TRAPPC3L: variants seen among roughly 807,000 people sequenced by gnomAD.
The protein encoded by TRAPPC3L is trafficking protein particle complex subunit 3-like protein.
In TRAPPC3L, 23 loss-of-function variants were observed where a neutral mutation model predicts 23.7. The observed-to-expected ratio is 0.97, with a 90% confidence interval of 0.70 to 1.37. The LOEUF (loss-of-function observed/expected upper bound fraction) is 1.37, where lower values mean the gene tolerates loss of function less well. Ranked by LOEUF, TRAPPC3L falls within the 40% of genes most tolerant of loss-of-function variation. TRAPPC3L has a pLI of 0.00. For missense variants in TRAPPC3L, 212 were observed against 216.8 expected, an observed-to-expected ratio of 0.98 and a Z score of 0.14; for synonymous variants, 81 against 77.9, an observed-to-expected ratio of 1.04 and a Z score of -0.21.
chr6:116,512,800 G>A (rs944420511), intron 3 of TRAPPC3L, among the ~76,000 whole-genome samples: 1 of 152,158 alleles, frequency 6.6e-6, no homozygotes, highest in Non-Finnish European at 1.5e-5. Flanking sequence ...TCCTTGTATG[G>A]TAGGAATCAG....
In TRAPPC3L at chr6:116,506,092, A is replaced by G. The variant is rs964307134; in HGVS notation, c.241-5426T>C. Among the ~76,000 whole-genome samples, 49 of 152,222 alleles carry G rather than the reference A, an allele frequency of 3.2e-4. 1 individual carries two copies. Among genetic ancestry groups the G allele is most frequent in the Non-Finnish European group, 1.5e-4 (10 of 68,022 alleles). On this transcript the variant is annotated intron_variant, in intron 3 of 4. Coordinates refer to ENST00000368602, the MANE Select transcript of TRAPPC3L (RefSeq NM_001139444.3). ...TCAGACTGAGCAGGCAACCTACAGA[A>G]TGGGAGAAAATTTTTGCAATCTACC... is the stretch of plus-strand genomic sequence containing the variant.
intron 3 of TRAPPC3L, among the ~76,000 whole-genome samples, chr6:116,510,809 T>A (rs763276397): frequency 6.6e-6 from 1 of 152,070 alleles, no homozygotes; most frequent in Non-Finnish European, 1.5e-5. Flanking sequence ...GTGGTGTATA[T>A]ATACCATGGA....
At position 116,543,325 on chromosome 6, in the gene TRAPPC3L, C is replaced by T; in HGVS notation, c.118G>A (p.Val40Met). ...LCKDYEKDED[V>M]NQYLDKMGYG... Reference sequence around the variant, plus strand: ...TACATTTTATCTAAATATTGGTTCACATCTTCATCCTTCTCATAATCCTTA... The same window carrying T: ...TACATTTTATCTAAATATTGGTTCATATCTTCATCCTTCTCATAATCCTTA... Residue 40 changes from valine (V) to methionine (M), a missense_variant, in exon 2 of 5, where the codon GTG becomes ATG. By Grantham distance (21) the Val-to-Met change is conservative. Coordinates refer to ENST00000368602, the MANE Select transcript of TRAPPC3L (RefSeq NM_001139444.3). 6.5e-7 allele frequency: 1 copy of T among 1,549,424 alleles called. No homozygotes were observed. The highest frequency in any genetic ancestry group is 8.7e-7 in the Non-Finnish European group (1 of 1,145,482).
intron 3 of TRAPPC3L, chr6:116,511,906 C>A (rs1247969256): frequency 2.5e-6 from 4 of 1,613,888 alleles, no homozygotes; most frequent in East Asian, 2.2e-5. Context: ...TCTTTCTGAA[C>A]AATAGGTCGT....
At chr6:116,524,776 G>C (rs1772414442) in intron 3 of TRAPPC3L, 1 of 151,848 alleles carries the variant, frequency 6.6e-6, no homozygotes, top group East Asian at 1.9e-4. Flanking sequence ...TAAAAAAGTT[G>C]GAAAATTTTC....
chr6:116,502,839 A>G (rs1771940249), intron 3 of TRAPPC3L, among the ~76,000 whole-genome samples: 1 of 152,218 alleles, frequency 6.6e-6, no homozygotes, highest in Non-Finnish European at 1.5e-5. Flanking sequence ...AGATTTTGTT[A>G]CCACCAGGCC....
chr6:116,525,652 G>C (rs530882557), intron 3 of TRAPPC3L, among the ~76,000 whole-genome samples: 1 of 152,282 alleles, frequency 6.6e-6, no homozygotes, highest in South Asian at 2.1e-4. Context: ...ATGAAAACTT[G>C]AGATTAAAAT....
At chr6:116,512,285 T>C in intron 3 of TRAPPC3L, 1 of 1,540,080 alleles carries the variant, frequency 6.5e-7, no homozygotes, top group Non-Finnish European at 8.7e-7. Context: ...GCTCGAAGTA[T>C]TCTCTCTGTG....
chr6:116,503,463 C>A (rs1042604860), intron 3 of TRAPPC3L, among the ~76,000 whole-genome samples: 8 of 152,098 alleles, frequency 5.3e-5, no homozygotes, highest in Non-Finnish European at 1.2e-4. Flanking sequence ...TTAGACAGAT[C>A]AACGAGACAG....
At position 116,538,854 on chromosome 6, in the gene TRAPPC3L, T is replaced by G. The variant is rs895089746; in HGVS notation, c.240+1509A>C. ...TCAAGCCATCCACCCCTCTCAGCTTTCTGAGTTGTTGGGACTACAGCTGTG... is the reference window on the plus strand; with the variant it reads ...TCAAGCCATCCACCCCTCTCAGCTTGCTGAGTTGTTGGGACTACAGCTGTG... On this transcript the variant is annotated intron_variant, in intron 3 of 4. Transcript: ENST00000368602. Among the ~76,000 whole-genome samples the G allele has an allele frequency of 5.9e-5, 9 of 151,980 alleles. 1 individual carries two copies. Among genetic ancestry groups the G allele is most frequent in the Middle Eastern group, 6.3e-3 (2 of 316 alleles).
intron 4 of TRAPPC3L, 46 bp from the exon 5 acceptor site, chr6:116,497,119 CA>C (rs1433664727): frequency 1.3e-6 from 2 of 1,497,164 alleles, no homozygotes; most frequent in Non-Finnish European, 1.8e-6. Context: ...AATTAAAAAA[CA>C]AAAAACTAAA....
At chr6:116,540,330 A>G in intron 3 of TRAPPC3L, 33 bp downstream of exon 3, 3 of 1,539,448 alleles carry the variant, frequency 1.9e-6, no homozygotes, top group East Asian at 2.4e-5. Context: ...GAGATTTTTC[A>G]AAACATATTG....
intron 3 of TRAPPC3L, among the ~76,000 whole-genome samples, chr6:116,539,715 T>C (rs1273058935): frequency 6.6e-6 from 1 of 152,142 alleles, no homozygotes; most frequent in Non-Finnish European, 1.5e-5. Context: ...ACTGACTTAA[T>C]TGATCAGTTT....
intron 3 of TRAPPC3L, among the ~76,000 whole-genome samples, chr6:116,530,425 A>C (rs1401886236): frequency 6.6e-6 from 1 of 152,222 alleles, no homozygotes; most frequent in African/African-American, 2.4e-5. Context: ...AAGAGTAACA[A>C]AAGAAAAAGC....
At chr6:116,515,686 C>T in intron 3 of TRAPPC3L, 3 of 1,613,924 alleles carry the variant, frequency 1.9e-6, no homozygotes, top group Non-Finnish European at 2.5e-6. Flanking sequence ...AAGTTAGCTA[C>T]CTTCAGCTGA....
At chr6:116,502,640 C>G (rs1431885866) in intron 3 of TRAPPC3L, among the ~76,000 whole-genome samples, 2 of 152,122 alleles carry the variant, frequency 1.3e-5, no homozygotes, top group Non-Finnish European at 2.9e-5. Context: ...GTTGGGTTAC[C>G]CATAAAGGGA....
rs528205727 is a variant in TRAPPC3L at position 116,507,877 on chromosome 6, T to C, written c.241-7211A>G. Among the ~76,000 whole-genome samples, 56 of 152,350 alleles carry C rather than the reference T, an allele frequency of 3.7e-4. 1 individual carries two copies. In the South Asian group the frequency reaches 0.011, roughly 31 times the overall value. On this transcript the variant is annotated intron_variant, in intron 3 of 4. Transcript: ENST00000368602. Reference sequence around the variant, plus strand: ...AAGAAATCTTGCAGACTGTGTCTTTTAAGGCCTTAGTTTCAAAAATAAGTA... The same window carrying C: ...AAGAAATCTTGCAGACTGTGTCTTTCAAGGCCTTAGTTTCAAAAATAAGTA...
chr6:116,515,565 T>C, intron 3 of TRAPPC3L: 2 of 1,561,004 alleles, frequency 1.3e-6, no homozygotes, highest in Non-Finnish European at 1.7e-6. Flanking sequence ...TGGCTTTGCT[T>C]TCACGTGTGT....
At chr6:116,541,792 G>A (rs1444352801) in intron 2 of TRAPPC3L, among the ~76,000 whole-genome samples, 1 of 152,116 alleles carries the variant, frequency 6.6e-6, no homozygotes, top group Non-Finnish European at 1.5e-5. Flanking sequence ...ACAGTGGTCA[G>A]AAGCCAAAAC....
Sources: gnomAD v4.1 joint callset for allele counts (sites outside exome capture counted in the v4.1 genomes callset) on GRCh38, gnomAD v4.1.1 for gene constraint, MANE v1.5 for transcripts, NCBI Gene and HGNC (gene_info 2026-07-23, HGNC 2026-07-21) for gene names.